Variants in TACR3 observed in about 807,000 individuals in gnomAD.
The protein encoded by TACR3 is tachykinin receptor 3.
A neutral mutation model predicts 35.0 loss-of-function variants in TACR3; 34 were observed. The ratio of observed to expected loss-of-function variants is 0.97; its 90% CI spans 0.74 to 1.30. TACR3 has a LOEUF of 1.30. Ranked by LOEUF, TACR3 falls within the 50% of genes most tolerant of loss-of-function variation. The probability of loss-of-function intolerance (pLI) is 0.00; values close to 1 mark genes in which losing one functional copy is unlikely to be tolerated. For missense variants in TACR3, 558 were observed against 591.7 expected, an observed-to-expected ratio of 0.94 and a Z score of 0.59; for synonymous variants, 233 against 221.1, an observed-to-expected ratio of 1.05 and a Z score of -0.48.
intron 1 of TACR3, among the ~76,000 whole-genome samples, chr4:103,670,084 A>T (rs1311074338): frequency 1.3e-5 from 2 of 151,922 alleles, no homozygotes; most frequent in East Asian, 3.8e-4. Context: ...TTTCTTGTCA[A>T]ACTTGTCATT....
intron 3 of TACR3, among the ~76,000 whole-genome samples, chr4:103,640,486 A>T (rs6831468): frequency 0.078 from 11,772 of 151,880 alleles, 1,489 homozygotes; most frequent in African/African-American, 0.26. Flanking sequence ...ATGTCTGTTT[A>T]GTTCTTTTGC....
At position 103,701,387 on chromosome 4, in the gene TACR3, A is replaced by G. The variant is rs1311746632; in HGVS notation, c.548+17741T>C. Among the ~76,000 whole-genome samples, 10 of 151,898 alleles carry G rather than the reference A, an allele frequency of 6.6e-5. No homozygotes were observed. In the East Asian group the frequency reaches 1.5e-3, roughly 23 times the overall value. On this transcript the variant is annotated intron_variant, in intron 1 of 4. Coordinates refer to ENST00000304883, the MANE Select transcript of TACR3 (RefSeq NM_001059.3). The stretch of plus-strand genomic sequence containing the variant: ...AAGGAGAACTACAAACCACTGCTCA[A>G]TGAAATAAAAGAGGATACAAACAAA...
At chr4:103,708,918 CAAA>C (rs1722867036) in intron 1 of TACR3, among the ~76,000 whole-genome samples, 1 of 151,938 alleles carries the variant, frequency 6.6e-6, no homozygotes, top group East Asian at 1.9e-4. Context: ...GATTGAAGAT[CAAA>C]TTAATGAAAT....
intron 3 of TACR3, among the ~76,000 whole-genome samples, chr4:103,649,004 T>C (rs575424591): frequency 4.6e-5 from 7 of 152,240 alleles, no homozygotes; most frequent in African/African-American, 1.4e-4. Flanking sequence ...TGATAACTCA[T>C]TGTAGTTTGG....
chr4:103,627,543 A>C (rs997457362), intron 3 of TACR3, among the ~76,000 whole-genome samples: 6 of 151,776 alleles, frequency 4.0e-5, no homozygotes, highest in Non-Finnish European at 8.8e-5. Flanking sequence ...TAAATAAATA[A>C]ATTTTTAAAA....
At chr4:103,676,877 T>G (rs1726181936) in intron 1 of TACR3, among the ~76,000 whole-genome samples, 1 of 152,118 alleles carries the variant, frequency 6.6e-6, no homozygotes, top group East Asian at 1.9e-4. Context: ...CATATTAAAC[T>G]AAAGAGATTC....
chr4:103,682,837 G>T (rs769968115), intron 1 of TACR3, among the ~76,000 whole-genome samples: 1 of 152,130 alleles, frequency 6.6e-6, no homozygotes, highest in Non-Finnish European at 1.5e-5. Context: ...GGTTATGGGA[G>T]ATTGTTGTGT....
At chr4:103,632,118 C>T (rs1187703638) in intron 3 of TACR3, among the ~76,000 whole-genome samples, 1 of 152,056 alleles carries the variant, frequency 6.6e-6, no homozygotes, top group African/African-American at 2.4e-5. Context: ...TTAAAAACAA[C>T]TCAATCAAGA....
intron 3 of TACR3, among the ~76,000 whole-genome samples, chr4:103,644,688 AACTT>A (rs1458061606): frequency 6.6e-6 from 1 of 151,704 alleles, no homozygotes; most frequent in Non-Finnish European, 1.5e-5. Flanking sequence ...TTCCCTAGAA[AACTT>A]ACTATTAAAA....
chr4:103,718,945 G>A (rs184509054), intron 1 of TACR3, among the ~76,000 whole-genome samples, 183 bp downstream of exon 1: 24 of 152,274 alleles, frequency 1.6e-4, no homozygotes, highest in Non-Finnish European at 2.5e-4. Context: ...GGCCACGGAA[G>A]CAGAAACTTG....
chr4:103,681,437 C>A (rs1722083692), intron 1 of TACR3, among the ~76,000 whole-genome samples: 1 of 151,784 alleles, frequency 6.6e-6, no homozygotes, highest in South Asian at 2.1e-4. Flanking sequence ...GCTTAATGGA[C>A]CTTATATAAC....
chr4:103,626,367 G>T (rs1435673226), intron 3 of TACR3, among the ~76,000 whole-genome samples: 1 of 152,056 alleles, frequency 6.6e-6, no homozygotes, highest in Non-Finnish European at 1.5e-5. Flanking sequence ...TCAACCAAAA[G>T]GACGCTAAGA....
chr4:103,616,887 G>A (rs903045612), intron 3 of TACR3, among the ~76,000 whole-genome samples: 1 of 152,144 alleles, frequency 6.6e-6, no homozygotes, highest in African/African-American at 2.4e-5. Flanking sequence ...GGTCCAGGTT[G>A]CAGTGAGCCA....
chr4:103,592,924 G>A (rs1008761299), intron 3 of TACR3, among the ~76,000 whole-genome samples: 2 of 152,170 alleles, frequency 1.3e-5, no homozygotes, highest in Non-Finnish European at 2.9e-5. Context: ...CAGGTGGCCA[G>A]CATTGAGCAG....
chr4:103,609,702 A>T (rs1043770496), intron 3 of TACR3, among the ~76,000 whole-genome samples: 13 of 152,038 alleles, frequency 8.6e-5, no homozygotes, highest in Non-Finnish European at 1.6e-4. Flanking sequence ...ATGGTAACTT[A>T]TTCTTCCTAT....
chr4:103,596,704 T>G (rs1724031708), intron 3 of TACR3, among the ~76,000 whole-genome samples: 1 of 152,062 alleles, frequency 6.6e-6, no homozygotes, highest in Admixed American at 6.6e-5. Flanking sequence ...GCTGCACCCA[T>G]TAACTCGTCA....
At position 103,688,841 on chromosome 4, in the gene TACR3, C is replaced by T. The variant is rs530458134; in HGVS notation, c.548+30287G>A. ...TCAATCATTGTGGAAGGCAGTGTGG[C>T]GATTCCTCAGGGATCTAGAACTAGA... is the stretch of plus-strand genomic sequence containing the variant. On this transcript the variant is annotated intron_variant, in intron 1 of 4. Transcript: ENST00000304883. 5.5e-3 allele frequency among the ~76,000 whole-genome samples: 841 copies of T among 152,218 alleles called. 10 individuals are homozygous for T. The highest frequency in any genetic ancestry group is 0.019 in the African/African-American group (775 of 41,542).
intron 1 of TACR3, among the ~76,000 whole-genome samples, chr4:103,694,167 A>G (rs1722471580): frequency 6.6e-6 from 1 of 151,864 alleles, no homozygotes; most frequent in South Asian, 2.1e-4. Flanking sequence ...CTTGAAGTGT[A>G]CTTTTTAAAA....
At chr4:103,686,060 G>C (rs909239956) in intron 1 of TACR3, among the ~76,000 whole-genome samples, 1 of 152,152 alleles carries the variant, frequency 6.6e-6, no homozygotes, top group Non-Finnish European at 1.5e-5. Context: ...GTGTTAGTTG[G>C]AGAAAGCAAC....
Sources: gnomAD v4.1 joint callset for allele counts (sites outside exome capture counted in the v4.1 genomes callset) on GRCh38, gnomAD v4.1.1 for gene constraint, MANE v1.5 for transcripts, NCBI Gene and HGNC (gene_info 2026-07-23, HGNC 2026-07-21) for gene names.